The following KCNAB1 variants were observed in gnomAD, a reference collection of about 807,000 sequenced individuals.
The protein encoded by KCNAB1 is potassium voltage-gated channel subfamily A regulatory beta subunit 1, also known as voltage-gated potassium channel subunit beta-1.
In KCNAB1, 35 loss-of-function variants were observed where a neutral mutation model predicts 64.6. That is an observed-to-expected ratio of 0.54 (90% confidence interval 0.41 to 0.72). The LOEUF (loss-of-function observed/expected upper bound fraction) is 0.72, where lower values mean the gene tolerates loss of function less well. Ranked by LOEUF, KCNAB1 falls within the 30% of genes least tolerant of loss-of-function variation. The pLI is 0.00. For missense variants in KCNAB1, 401 were observed against 512.9 expected, an observed-to-expected ratio of 0.78 and a Z score of 2.11; for synonymous variants, 177 against 183.8, an observed-to-expected ratio of 0.96 and a Z score of 0.30.
chr3:156,136,537 G>A (rs559969373), intron 1 of KCNAB1, among the ~76,000 whole-genome samples: 1 of 152,192 alleles, frequency 6.6e-6, no homozygotes, highest in Non-Finnish European at 1.5e-5. Flanking sequence ...TTAACAGCAT[G>A]AGACCACAAT....
intron 8 of KCNAB1, among the ~76,000 whole-genome samples, chr3:156,501,870 G>A (rs1353720202): frequency 2.0e-5 from 3 of 152,144 alleles, no homozygotes; most frequent in Admixed American, 6.5e-5. Flanking sequence ...CATGGTGGGA[G>A]GTGAATGGCA....
chr3:156,526,649 AG>A (rs1718326208), intron 12 of KCNAB1, among the ~76,000 whole-genome samples: 1 of 152,200 alleles, frequency 6.6e-6, no homozygotes, highest in Admixed American at 6.5e-5. Flanking sequence ...GATATTTGTC[AG>A]GTTCTATAGT....
intron 1 of KCNAB1, among the ~76,000 whole-genome samples, chr3:156,243,176 G>A (rs1465169857): frequency 6.6e-6 from 1 of 151,756 alleles, no homozygotes; most frequent in Admixed American, 6.6e-5. Flanking sequence ...CCAAAGTGCT[G>A]GGATTACAGG....
At chr3:156,276,415 A>G (rs112780092) in intron 1 of KCNAB1, among the ~76,000 whole-genome samples, 3,117 of 152,234 alleles carry the variant, frequency 0.02, 105 homozygotes, top group African/African-American at 0.068. Flanking sequence ...CACCAGCTGC[A>G]TTAGCCCCTA....
chr3:156,329,450 G>A (rs576539310), intron 1 of KCNAB1, among the ~76,000 whole-genome samples: 18 of 152,240 alleles, frequency 1.2e-4, no homozygotes, highest in African/African-American at 4.1e-4. Flanking sequence ...AGATCCAAGA[G>A]TAGAGGGATC....
intron 1 of KCNAB1, among the ~76,000 whole-genome samples, chr3:156,302,397 C>A (rs1467609837): frequency 2.0e-5 from 3 of 151,966 alleles, no homozygotes; most frequent in Non-Finnish European, 2.9e-5. Context: ...CCATATCATG[C>A]AAAAAATGTT....
At chr3:156,391,936 A>G (rs1713070307) in intron 1 of KCNAB1, among the ~76,000 whole-genome samples, 2 of 152,232 alleles carry the variant, frequency 1.3e-5, no homozygotes, top group African/African-American at 4.8e-5. Flanking sequence ...CATTAAAAGA[A>G]GAAATGTTTT....
rs191381813 is a variant in KCNAB1, at chr3:156,417,859, A to T, written c.276-3757A>T. Among the ~76,000 whole-genome samples the T allele has an allele frequency of 2.0e-5, 3 of 152,356 alleles. No individual in the cohort carries two copies. In the East Asian group the frequency reaches 5.8e-4, roughly 29 times the overall value. ...AGTGGAGAGTCTGCCTTCAGAAAGA[A>T]AGGGGAATCACAACCTTTGAGCTCT... On this transcript the variant is annotated intron_variant, in intron 1 of 13. Transcript: ENST00000490337.
intron 1 of KCNAB1, among the ~76,000 whole-genome samples, chr3:156,253,115 G>A (rs533412375): frequency 1.8e-4 from 27 of 152,314 alleles, no homozygotes; most frequent in African/African-American, 5.1e-4. Flanking sequence ...AACTAAATCC[G>A]TGGGTGTCAT....
intron 1 of KCNAB1, among the ~76,000 whole-genome samples, chr3:156,147,508 G>A (rs1381046945): frequency 6.6e-6 from 1 of 152,088 alleles, no homozygotes; most frequent in Non-Finnish European, 1.5e-5. Context: ...TATGCTTTAA[G>A]AATTTTCCAA....
At chr3:156,300,060 G>C (rs1462743314) in intron 1 of KCNAB1, among the ~76,000 whole-genome samples, 1 of 152,170 alleles carries the variant, frequency 6.6e-6, no homozygotes, top group African/African-American at 2.4e-5. Flanking sequence ...CAAGGGCACA[G>C]CAACAAGACA....
At chr3:156,233,800 CA>C (rs1265032955) in intron 1 of KCNAB1, among the ~76,000 whole-genome samples, 1 of 151,514 alleles carries the variant, frequency 6.6e-6, no homozygotes, top group Non-Finnish European at 1.5e-5. Flanking sequence ...GAGGAATGAA[CA>C]AAAAAGAGGT....
intron 1 of KCNAB1, among the ~76,000 whole-genome samples, chr3:156,162,880 C>T (rs1430410579): frequency 6.6e-6 from 1 of 152,146 alleles, no homozygotes; most frequent in Non-Finnish European, 1.5e-5. Flanking sequence ...TGACTTGACA[C>T]TTGTTTTGGA....
intron 1 of KCNAB1, among the ~76,000 whole-genome samples, chr3:156,226,742 A>T (rs146012028): frequency 7.9e-5 from 12 of 152,326 alleles, no homozygotes; most frequent in African/African-American, 2.9e-4. Flanking sequence ...AAGCTTGTGA[A>T]CAACTTTCCA....
chr3:156,197,398 G>C (rs531554855), intron 1 of KCNAB1, among the ~76,000 whole-genome samples: 14 of 152,222 alleles, frequency 9.2e-5, no homozygotes, highest in South Asian at 6.2e-4. Context: ...GCTCCTCTTT[G>C]TACCTCTGGT....
At chr3:156,316,678 G>A (rs1722298441) in intron 1 of KCNAB1, among the ~76,000 whole-genome samples, 1 of 152,246 alleles carries the variant, frequency 6.6e-6, no homozygotes, top group Non-Finnish European at 1.5e-5. Context: ...GCCAGCAGCT[G>A]AAGAGAGGGT....
At chr3:156,464,674 G>C (rs1471271334) in intron 6 of KCNAB1, among the ~76,000 whole-genome samples, 3 of 151,976 alleles carry the variant, frequency 2.0e-5, no homozygotes, top group African/African-American at 4.8e-5. Flanking sequence ...ACTCTATTTT[G>C]TTGTTGGTTT....
chr3:156,407,980 A>G (rs1174645911), intron 1 of KCNAB1, among the ~76,000 whole-genome samples: 1 of 152,088 alleles, frequency 6.6e-6, no homozygotes, highest in Admixed American at 6.5e-5. Flanking sequence ...GACTGAGATG[A>G]GTGACAGTTC....
chr3:156,165,008 T>G (rs1280149971), intron 1 of KCNAB1, among the ~76,000 whole-genome samples: 2 of 152,110 alleles, frequency 1.3e-5, no homozygotes, highest in Non-Finnish European at 2.9e-5. Flanking sequence ...CCGGGCGCGG[T>G]GGCTCAACGC....
Sources: gnomAD v4.1 joint callset for allele counts (sites outside exome capture counted in the v4.1 genomes callset) on GRCh38, gnomAD v4.1.1 for gene constraint, MANE v1.5 for transcripts, NCBI Gene and HGNC (gene_info 2026-07-23, HGNC 2026-07-21) for gene names.